The following KCNH8 variants were observed in gnomAD, a reference collection of about 807,000 sequenced individuals.
KCNH8 encodes voltage-gated delayed rectifier potassium channel KCNH8.
In KCNH8, 70 loss-of-function variants were observed where a neutral mutation model predicts 103.6. The observed-to-expected ratio is 0.68, with a 90% CI of 0.56 to 0.82. The LOEUF (loss-of-function observed/expected upper bound fraction) is 0.82, where lower values mean the gene tolerates loss of function less well. Among genes scored for constraint, KCNH8 ranks in the 40% least tolerant of loss-of-function variants. The pLI is 0.00. For missense variants in KCNH8, 1,217 were observed against 1,329.9 expected (o/e 0.92, Z 1.32); for synonymous variants, 498 against 489.4 (o/e 1.02, Z -0.23).
chr3:19,320,758 C>A (rs1304558637), intron 3 of KCNH8, among the ~76,000 whole-genome samples: 3 of 151,902 alleles, frequency 2.0e-5, no homozygotes, highest in Non-Finnish European at 4.4e-5. Flanking sequence ...CGATTGGTAC[C>A]AATTCTTCTT....
chr3:19,312,891 G>A (rs2065224493), intron 3 of KCNH8, among the ~76,000 whole-genome samples: 1 of 151,912 alleles, frequency 6.6e-6, no homozygotes, highest in Non-Finnish European at 1.5e-5. Flanking sequence ...AGAGTACCTT[G>A]TGTAGTCAAG....
In KCNH8 at chr3:19,510,363, G is replaced by T; in HGVS notation, c.2041G>T (p.Val681Leu). 6.4e-7 allele frequency: 1 copy of T among 1,570,106 alleles called. No homozygotes were observed. The highest frequency in any genetic ancestry group is 1.1e-5 in the South Asian group (1 of 90,156). ...YNLREGHESD[V>L]ISRLSNKSMV... is the part of the protein sequence containing the mutation. ...TTAATACTTCTGTTTGTTCTTTCAG[G>T]TGATATCAAGACTATCAAACAAATC... The change falls in exon 12 of 16, where the codon GTG becomes TTG. Residue 681 changes from valine (V) to leucine (L), a missense_variant and splice_region_variant. Physicochemically the swap from Val to Leu is conservative, Grantham distance 32. Coordinates refer to ENST00000328405, the MANE Select transcript of KCNH8 (RefSeq NM_144633.3).
At chr3:19,174,103 GAT>G (rs1156499159) in intron 1 of KCNH8, among the ~76,000 whole-genome samples, 1 of 151,562 alleles carries the variant, frequency 6.6e-6, no homozygotes, top group African/African-American at 2.4e-5. Context: ...CTCCTGTACT[GAT>G]AAAAAGAAGT....
At chr3:19,499,525 A>G (rs2068527247) in intron 11 of KCNH8, among the ~76,000 whole-genome samples, 1 of 152,220 alleles carries the variant, frequency 6.6e-6, no homozygotes, top group Non-Finnish European at 1.5e-5. Context: ...AAAAAATGTT[A>G]AGGGCAGCCA....
At chr3:19,381,716 C>A (rs962031745) in intron 5 of KCNH8, among the ~76,000 whole-genome samples, 3 of 151,930 alleles carry the variant, frequency 2.0e-5, no homozygotes, top group African/African-American at 7.2e-5. Context: ...AGAAAAAAAT[C>A]AGAAATTACC....
At chr3:19,220,220 A>C (rs951444994) in intron 1 of KCNH8, among the ~76,000 whole-genome samples, 3 of 152,198 alleles carry the variant, frequency 2.0e-5, no homozygotes, top group African/African-American at 7.2e-5. Context: ...CATAGATGCT[A>C]TATATGGAAA....
At chr3:19,426,734 C>T (rs543750915) in intron 7 of KCNH8, among the ~76,000 whole-genome samples, 2 of 152,162 alleles carry the variant, frequency 1.3e-5, no homozygotes, top group South Asian at 4.2e-4. Flanking sequence ...AAAACTGTGA[C>T]TTTGCTTCTT....
At chr3:19,506,427 A>G (rs367551759) in intron 11 of KCNH8, among the ~76,000 whole-genome samples, 3 of 152,302 alleles carry the variant, frequency 2.0e-5, no homozygotes, top group South Asian at 2.1e-4. Context: ...TATATTACCA[A>G]AAGTATTTTT....
chr3:19,187,046 G>A (rs1414725208), intron 1 of KCNH8, among the ~76,000 whole-genome samples: 1 of 151,950 alleles, frequency 6.6e-6, no homozygotes, highest in Non-Finnish European at 1.5e-5. Flanking sequence ...TATGGACATT[G>A]GAATTCAAAT....
At chr3:19,381,661 A>G (rs2066289666) in intron 5 of KCNH8, among the ~76,000 whole-genome samples, 1 of 152,164 alleles carries the variant, frequency 6.6e-6, no homozygotes. Context: ...AAGGAAAATG[A>G]AAATAACTTC....
intron 3 of KCNH8, among the ~76,000 whole-genome samples, chr3:19,311,749 A>G (rs1018513142): frequency 6.6e-6 from 1 of 151,796 alleles, no homozygotes; most frequent in Admixed American, 6.6e-5. Flanking sequence ...TAGACACACA[A>G]CCCCATCAGA....
chr3:19,270,690 A>G (rs538628225), intron 2 of KCNH8, among the ~76,000 whole-genome samples: 1 of 152,278 alleles, frequency 6.6e-6, no homozygotes, highest in South Asian at 2.1e-4. Flanking sequence ...GCAATCTGGC[A>G]CAGTGTTCAC....
chr3:19,438,359 G>T lies in KCNH8; in HGVS notation c.1373G>T (p.Gly458Val). 6.2e-7 allele frequency: 1 copy of T among 1,612,712 alleles called. No homozygotes were observed. The highest frequency in any genetic ancestry group is 1.1e-5 in the South Asian group (1 of 90,976). Residue 458 changes from glycine to valine, a missense_variant and splice_region_variant, in exon 8 of 16, where the codon GGT (glycine) becomes GTT (valine). Gly to Val is a moderately radical substitution (Grantham distance 109, BLOSUM62 -3). This residue lies in a region of KCNH8 where 415 missense variants were observed against 577.4 expected (regional missense o/e 0.72). Transcript: ENST00000328405. ...KIFSICTMLI[G>V]ALMHALVFGN... ...TTCTCCATCTGCACCATGCTGATTGGTGGTAAGAGAGCATCTTCTTTTATA... is the reference window on the plus strand; with the variant it reads ...TTCTCCATCTGCACCATGCTGATTGTTGGTAAGAGAGCATCTTCTTTTATA...
intron 7 of KCNH8, among the ~76,000 whole-genome samples, chr3:19,405,645 T>C (rs955576137): frequency 5.9e-5 from 9 of 151,928 alleles, no homozygotes; most frequent in African/African-American, 2.2e-4. Flanking sequence ...GAACTTTATA[T>C]TGTGGTTCTC....
chr3:19,346,063 G>GA (rs960943544), intron 4 of KCNH8, among the ~76,000 whole-genome samples: 2 of 151,974 alleles, frequency 1.3e-5, no homozygotes, highest in African/African-American at 4.8e-5. Flanking sequence ...TAATACGATA[G>GA]AAAAAACTTA....
intron 7 of KCNH8, among the ~76,000 whole-genome samples, chr3:19,419,189 G>T (rs9825597): frequency 0.96 from 124,667 of 129,552 alleles, 59,938 homozygotes; most frequent in East Asian, 0.99. Context: ...AATTAAAATG[G>T]TTTTGGTTTT....
chr3:19,241,214 A>G (rs927447900), intron 1 of KCNH8, among the ~76,000 whole-genome samples: 1 of 151,660 alleles, frequency 6.6e-6, no homozygotes, highest in Non-Finnish European at 1.5e-5. Context: ...CAGTTTTTAC[A>G]TTGTTCATTA....
intron 7 of KCNH8, among the ~76,000 whole-genome samples, chr3:19,411,104 A>G (rs1013433270): frequency 6.6e-6 from 1 of 152,020 alleles, no homozygotes; most frequent in Non-Finnish European, 1.5e-5. Context: ...GAACATAGAA[A>G]CAACAATTCT....
chr3:19,302,238 G>A (rs1363322548), intron 3 of KCNH8, among the ~76,000 whole-genome samples: 2 of 151,994 alleles, frequency 1.3e-5, no homozygotes, highest in African/African-American at 4.8e-5. Flanking sequence ...ATATAAATAT[G>A]ATTGAAAGAG....
Sources: allele counts gnomAD v4.1 joint callset (sites outside exome capture counted in the v4.1 genomes callset), GRCh38; gene constraint gnomAD v4.1.1; regional missense constraint gnomAD v4.1.1; transcripts MANE v1.5; gene names NCBI Gene and HGNC (gene_info 2026-07-23, HGNC 2026-07-21).